Variants in G6PC1 observed in about 807,000 individuals in gnomAD.
The protein encoded by G6PC1 is glucose-6-phosphatase catalytic subunit 1.
Under a neutral mutation model 30.4 loss-of-function variants are expected in G6PC1, and 23 were observed. The observed-to-expected ratio is 0.76, with a 90% CI of 0.55 to 1.07. The LOEUF (loss-of-function observed/expected upper bound fraction) is 1.07. G6PC1 is among the 50% of genes least tolerant of loss of function. The pLI, the probability that G6PC1 is intolerant of heterozygous loss-of-function variation, is 0.00. For synonymous variants in G6PC1, 163 were observed against 175.6 expected (o/e 0.93, Z 0.57); for missense variants, 391 against 433.9 (o/e 0.90, Z 0.88).
intron 3 of G6PC1, 137 bp downstream of exon 3, chr17:42,907,765 A>T: frequency 2.9e-6 from 2 of 696,110 alleles, no homozygotes. Flanking sequence ...GAGTTGTGGC[A>T]CTTTGGATAG....
rs780226142 is a variant in G6PC1 at position 42,911,321 on chromosome 17, C to T, written c.969C>T (p.Tyr323=). The change falls in exon 5 of 5, where the codon TAC becomes TAT. Residue 323 remains tyrosine (Y), a synonymous_variant. Transcript: ENST00000253801. ...CATCCCAAGTCGAGCTGGTCTTCTA[C>T]GTCTTGTCCTTCTGCAAGAGTGCGG... ...KPPSQVELVF[Y]VLSFCKSAVV... is the part of the protein sequence containing the mutation. 38 of 1,614,108 alleles carry T rather than the reference C, an allele frequency of 2.4e-5. No homozygotes were observed. Among genetic ancestry groups the T allele is most frequent in the African/African-American group, 1.2e-4 (9 of 74,936 alleles).
chr17:42,905,429 A>AATATATATAT (rs1555559451), intron 2 of G6PC1, among the ~76,000 whole-genome samples: 2 of 120,858 alleles, frequency 1.7e-5, no homozygotes, highest in African/African-American at 7.8e-5. Context: ...AAAAAAAAAA[A>AATATATATAT]ATATATATAT....
chr17:42,905,441 T>TACACACACACAC (rs1475508893), intron 2 of G6PC1, among the ~76,000 whole-genome samples: 1 of 103,264 alleles, frequency 9.7e-6, no homozygotes, highest in African/African-American at 4.6e-5. Flanking sequence ...TATATATATA[T>TACACACACACAC]ATACACACAC....
At chr17:42,902,072 G>A (rs578156189) in intron 1 of G6PC1, among the ~76,000 whole-genome samples, 2 of 152,258 alleles carry the variant, frequency 1.3e-5, no homozygotes, top group South Asian at 2.1e-4. Flanking sequence ...AGTACATGCC[G>A]AGCCAGGATG....
chr17:42,910,291 G>A (rs537986043), intron 4 of G6PC1, among the ~76,000 whole-genome samples: 2 of 152,260 alleles, frequency 1.3e-5, no homozygotes, highest in East Asian at 3.9e-4. Flanking sequence ...TGTAAGAACG[G>A]AACATAGCAG....
At chr17:42,901,333 G>T (rs544353075) in intron 1 of G6PC1, among the ~76,000 whole-genome samples, 21 of 152,254 alleles carry the variant, frequency 1.4e-4, no homozygotes, top group African/African-American at 4.8e-4. Flanking sequence ...TGGGTTAAAG[G>T]GTAGGACAGT....
At position 42,911,087 on chromosome 17, in the gene G6PC1, C is replaced by A; in HGVS notation, c.735C>A (p.Cys245Ter). ...CTCTGGAGAAAGCCCAGAGGTGGTG[C>A]GAGCAGCCAGAATGGGTCCACATTG... ...LWTLEKAQRW[C>*]EQPEWVHIDT... Residue 245 changes from cysteine (C) to a stop codon, truncating the protein, a stop_gained, in exon 5 of 5, where the codon TGC (cysteine) becomes TGA (stop). Transcript: ENST00000253801. LOFTEE classifies it high-confidence loss of function. 1.9e-6 allele frequency: 3 copies of A among 1,614,082 alleles called. No individual in the cohort carries two copies. The highest frequency in any genetic ancestry group is 1.1e-5 in the South Asian group (1 of 91,072).
intron 2 of G6PC1, 31 bp from the exon 3 acceptor site, chr17:42,907,492 C>A: frequency 6.6e-7 from 1 of 1,512,386 alleles, no homozygotes; most frequent in Non-Finnish European, 9.2e-7. Context: ...GACCTTTTCA[C>A]CTTTACTCCA....
intron 3 of G6PC1, 22 bp from the exon 4 acceptor site, chr17:42,909,281 A>G (rs2056081001): frequency 2.6e-6 from 4 of 1,551,964 alleles, no homozygotes; most frequent in Non-Finnish European, 3.6e-6. Flanking sequence ...GTGTTCTGTT[A>G]TGGTTGCCTC....
At chr17:42,905,415 G>GAAA (rs1241281428) in intron 2 of G6PC1, among the ~76,000 whole-genome samples, 4 of 48,932 alleles carry the variant, frequency 8.2e-5, no homozygotes, top group East Asian at 6.5e-4. Context: ...GACACCATCT[G>GAAA]AAAAAAAAAA....
intron 2 of G6PC1, 97 bp downstream of exon 2, chr17:42,904,137 T>C: frequency 1.2e-6 from 1 of 830,872 alleles, no homozygotes; most frequent in Middle Eastern, 2.9e-4. Context: ...GAGCCATTCC[T>C]TTGTACTTTT....
At position 42,913,437 on chromosome 17, in the gene G6PC1, C is replaced by T. The variant is rs1356407111; in HGVS notation, c.*2011C>T. ...TCCCTAAACAAATAATTTGGTTTCT[C>T]TGTGCCTGCATTTTCCCTTTGGAGA... On this transcript the variant is annotated 3_prime_UTR_variant, in exon 5 of 5. Coordinates refer to ENST00000253801, the MANE Select transcript of G6PC1 (RefSeq NM_000151.4). 1 of 152,196 alleles carries T rather than the reference C, an allele frequency of 6.6e-6. No individual in the cohort carries two copies. The highest frequency in any genetic ancestry group is 2.4e-5 in the African/African-American group (1 of 41,450). 9.4% of individuals were successfully genotyped at this position (152,196 alleles called of 1,614,324 possible).
chr17:42,910,263 A>G (rs2151932076), intron 4 of G6PC1, among the ~76,000 whole-genome samples: 1 of 152,290 alleles, frequency 6.6e-6, no homozygotes, highest in South Asian at 2.1e-4. Flanking sequence ...AAACTGTGGA[A>G]TTTCTCCCCT....
intron 2 of G6PC1, among the ~76,000 whole-genome samples, chr17:42,906,536 G>A (rs907816087): frequency 6.6e-6 from 1 of 152,080 alleles, no homozygotes; most frequent in Non-Finnish European, 1.5e-5. Flanking sequence ...AGGTCTGGGC[G>A]GCACATCTCA....
chr17:42,903,080 A>ATTT (rs1260008776), intron 1 of G6PC1, among the ~76,000 whole-genome samples: 5 of 126,678 alleles, frequency 3.9e-5, no homozygotes, highest in African/African-American at 5.9e-5. Flanking sequence ...GGATTTCAGG[A>ATTT]TTTTTTTTTT....
At position 42,901,084 on chromosome 17, in the gene G6PC1, T is replaced by G; in HGVS notation, c.208T>G (p.Trp70Gly). The G allele has an allele frequency of 3.7e-6, 6 of 1,614,094 alleles. No individual in the cohort carries two copies. Among genetic ancestry groups the G allele is most frequent in the Non-Finnish European group, 5.1e-6 (6 of 1,179,930 alleles). Residue 70 changes from tryptophan to glycine, a missense_variant, in exon 1 of 5, where the codon TGG (tryptophan) becomes GGG (glycine). Trp to Gly is a radical substitution (Grantham distance 184, BLOSUM62 -2). Coordinates refer to ENST00000253801, the MANE Select transcript of G6PC1 (RefSeq NM_000151.4). ...CCTTTGGGTAGCTGTGATTGGAGAC[T>G]GGCTCAACCTCGTCTTTAAGTGGTA... ...KLLWVAVIGD[W>G]LNLVFKWILF... is the part of the protein sequence containing the mutation.
In G6PC1 at chr17:42,911,549, G is replaced by T; in HGVS notation, c.*123G>T. The T allele has an allele frequency of 6.8e-7, 1 of 1,467,502 alleles. No homozygotes were observed. Among genetic ancestry groups the T allele is most frequent in the Non-Finnish European group, 9.4e-7 (1 of 1,065,028 alleles). 90.9% of individuals were successfully genotyped at this position (1,467,502 alleles called of 1,614,324 possible). A position where few individuals can be genotyped will look rare whatever the true frequency, so the allele number is the denominator to read the frequency against. On this transcript the variant is annotated 3_prime_UTR_variant, in exon 5 of 5. Transcript: ENST00000253801. Reference sequence around the variant, plus strand: ...ACATGCCATCCATTCTGCCGTCGTGGAATTAAATCACGGATGGCAGATTGG... The same window carrying T: ...ACATGCCATCCATTCTGCCGTCGTGTAATTAAATCACGGATGGCAGATTGG...
chr17:42,909,199 T>A (rs1052952321), intron 3 of G6PC1, 104 bp from the exon 4 acceptor site: 1 of 878,828 alleles, frequency 1.1e-6, no homozygotes, highest in Admixed American at 1.7e-5. Context: ...AAAATTCCAC[T>A]GAGAGCACCT....
At position 42,911,307 on chromosome 17, in the gene G6PC1, G is replaced by A. The variant is rs781180357; in HGVS notation, c.955G>A (p.Glu319Lys). Residue 319 changes from glutamate to lysine, a missense_variant, in exon 5 of 5, where the codon GAG (glutamate) becomes AAG (lysine). Transcript: ENST00000253801. Reference protein sequence around the residue: ...FDSLKPPSQVELVFYVLSFCK... With the variant: ...FDSLKPPSQVKLVFYVLSFCK... ...CTCCTTGAAACCCCCATCCCAAGTC[G>A]AGCTGGTCTTCTACGTCTTGTCCTT... The A allele has an allele frequency of 9.3e-6, 15 of 1,614,126 alleles. No homozygotes were observed. The highest frequency in any genetic ancestry group is 1.6e-4 in the Middle Eastern group (1 of 6,062).
Sources: gnomAD v4.1 joint callset for allele counts (sites outside exome capture counted in the v4.1 genomes callset) on GRCh38, gnomAD v4.1.1 for gene constraint, MANE v1.5 for transcripts, NCBI Gene and HGNC (gene_info 2026-07-23, HGNC 2026-07-21) for gene names.